The following SAP30BP variants were observed in gnomAD, a reference collection of about 807,000 sequenced individuals.
SAP30BP encodes the protein SAP30-binding protein.
In SAP30BP, 31 loss-of-function variants were observed where a neutral mutation model predicts 46.3. The ratio of observed to expected loss-of-function variants is 0.67; its 90% CI spans 0.50 to 0.90. The LOEUF is 0.90. Ranked by LOEUF, SAP30BP falls within the 40% of genes least tolerant of loss-of-function variation. SAP30BP has a pLI of 0.00. For missense variants in SAP30BP, 312 were observed against 391.0 expected (o/e 0.80, Z 1.70); for synonymous variants, 169 against 144.2 (o/e 1.17, Z -1.23).
chr17:75,706,267 G>T lies in SAP30BP; in HGVS notation c.746-73G>T. 6.4e-7 allele frequency: 1 copy of T among 1,557,526 alleles called. No individual in the cohort carries two copies. The highest frequency in any genetic ancestry group is 2.2e-5 in the East Asian group (1 of 44,502). On this transcript the variant is annotated intron_variant, in intron 10 of 10. Coordinates refer to ENST00000584667, the MANE Select transcript of SAP30BP (RefSeq NM_013260.8). The surrounding 1 kb of genome is among the most constrained non-coding windows in gnomAD (Gnocchi z 4.6). ...GGGGTCTGCTCCCTAGACTCCCGCT[G>T]GCCTGCAGGGGGAAGGGAAAGAGGG...
rs1009031435 is a variant in SAP30BP at position 75,706,156 on chromosome 17, T to G, written c.745+64T>G. 6.3e-7 allele frequency: 1 copy of G among 1,578,058 alleles called. No homozygotes were observed. The highest frequency in any genetic ancestry group is 1.3e-5 in the African/African-American group (1 of 74,578). On this transcript the variant is annotated intron_variant, in intron 10 of 10. Transcript: ENST00000584667. The surrounding 1 kb of genome is among the most constrained non-coding windows in gnomAD (Gnocchi z 4.6). ...GGAGCCAGGGTCTCCCTGGCTTGTT[T>G]GGGCGACAGACAGCACGTGGATCTG... is the stretch of plus-strand genomic sequence containing the variant.
chr17:75,679,450 G>A (rs1317976157), intron 3 of SAP30BP: 1 of 152,190 alleles, frequency 6.6e-6, no homozygotes, highest in East Asian at 1.9e-4. Context: ...TTTGTTATCT[G>A]ATGACTTTAA....
At chr17:75,689,117 C>T (rs1320399513) in intron 3 of SAP30BP, among the ~76,000 whole-genome samples, 2 of 151,420 alleles carry the variant, frequency 1.3e-5, no homozygotes, top group Admixed American at 1.3e-4. Context: ...TGTTTTCTAA[C>T]TTGGCTTTTG....
At chr17:75,700,467 G>A (rs2060391584) in intron 5 of SAP30BP, among the ~76,000 whole-genome samples, 1 of 152,150 alleles carries the variant, frequency 6.6e-6, no homozygotes, top group South Asian at 2.1e-4. Flanking sequence ...CCCTTGTGAT[G>A]AACAATAGAA....
In SAP30BP at chr17:75,667,403, C is replaced by T; in HGVS notation, c.31C>T (p.Leu11Phe). The change falls in exon 1 of 11, where the codon CTC (leucine) becomes TTC (phenylalanine). Residue 11 changes from leucine (L) to phenylalanine (F), a missense_variant. Leu to Phe is a conservative substitution (Grantham distance 22). Coordinates refer to ENST00000584667, the MANE Select transcript of SAP30BP (RefSeq NM_013260.8). MAGKKNVLSS[L>F]AVYAEDSEPE... is the part of the protein sequence containing the mutation. Reference sequence around the variant, plus strand: ...GGGGAAGAAGAATGTTCTGTCGTCTCTCGCAGTTTACGCGGAAGATTCAGA... The same window carrying T: ...GGGGAAGAAGAATGTTCTGTCGTCTTTCGCAGTTTACGCGGAAGATTCAGA... 6.2e-7 allele frequency: 1 copy of T among 1,614,216 alleles called. No individual in the cohort carries two copies. Among genetic ancestry groups the T allele is most frequent in the Non-Finnish European group, 8.5e-7 (1 of 1,180,042 alleles).
At chr17:75,667,613 G>A (rs1029052833) in intron 1 of SAP30BP, 135 bp downstream of exon 1, 1 of 711,346 alleles carries the variant, frequency 1.4e-6, no homozygotes, top group Admixed American at 2.7e-5. Context: ...AGGGTCCGGG[G>A]TGAGATAGAG....
intron 3 of SAP30BP, chr17:75,692,166 A>G: frequency 1.1e-6 from 1 of 934,942 alleles, no homozygotes; most frequent in Non-Finnish European, 1.3e-6. Flanking sequence ...GGAATGGGGA[A>G]TTTGGCCTGT....
chr17:75,674,697 G>GTTTTTTTTTTTTTTTTTT lies in SAP30BP; in HGVS notation c.264+2845_264+2862dup, dbSNP rs66721865. ...TATGAAGTTTTTTTGTTTGTTTTTT[G>GTTTTTTTTTTTTTTTTTT]TTTTTTTTTTTTTTTTTTTTTTTTT... On this transcript the variant is annotated intron_variant, in intron 3 of 10. Transcript: ENST00000584667. Among the ~76,000 whole-genome samples the GTTTTTTTTTTTTTTTTTT allele has an allele frequency of 1.8e-4, 11 of 61,550 alleles. 1 individual carries two copies. The highest frequency in any genetic ancestry group is 5.2e-4 in the East Asian group (1 of 1,936). 40.4% of individuals were successfully genotyped at this position (61,550 alleles called of 152,430 possible).
chr17:75,703,059 C>T (rs964406482), intron 6 of SAP30BP: 42 of 534,340 alleles, frequency 7.9e-5, no homozygotes, highest in South Asian at 2.6e-4. Flanking sequence ...GTGGTAAGCC[C>T]AATCCAGCTG....
At chr17:75,675,773 C>T (rs1180970848) in intron 3 of SAP30BP, among the ~76,000 whole-genome samples, 2 of 151,862 alleles carry the variant, frequency 1.3e-5, no homozygotes, top group East Asian at 1.9e-4. Flanking sequence ...AAAAATTAGC[C>T]GGGTGTGGCG....
At chr17:75,690,700 C>T (rs188745707) in intron 3 of SAP30BP, 51 of 456,682 alleles carry the variant, frequency 1.1e-4, no homozygotes, top group South Asian at 7.4e-4. Context: ...CAGAGGCACC[C>T]AGGGCTCAGC....
rs773046009 is a variant in SAP30BP at position 75,706,025 on chromosome 17, C to T, written c.678C>T (p.Gly226=). Reference sequence around the variant, plus strand: ...CTCTCCAGATTGAGTTTGTGACGGGCACCAAAAAAGGCACCACGACCAACG... The same window carrying T: ...CTCTCCAGATTGAGTTTGTGACGGGTACCAAAAAAGGCACCACGACCAACG... ...KERTKIEFVT[G]TKKGTTTNAT... Residue 226 remains glycine (G), a synonymous_variant, in exon 10 of 11, where the codon GGC becomes GGT. Coordinates refer to ENST00000584667, the MANE Select transcript of SAP30BP (RefSeq NM_013260.8). The surrounding 1 kb of genome is among the most constrained non-coding windows in gnomAD (Gnocchi z 4.6). The T allele has an allele frequency of 1.8e-5, 29 of 1,613,622 alleles. No individual in the cohort carries two copies. The Admixed American group carries it at 2.7e-4, about 15-fold the overall frequency.
chr17:75,676,822 A>G (rs1356873186), intron 3 of SAP30BP, among the ~76,000 whole-genome samples: 2 of 152,204 alleles, frequency 1.3e-5, no homozygotes, highest in Admixed American at 6.5e-5. Flanking sequence ...TAGTTTATAA[A>G]TTAAACTTTA....
chr17:75,688,019 G>A (rs754737968), intron 3 of SAP30BP, among the ~76,000 whole-genome samples: 2 of 150,966 alleles, frequency 1.3e-5, no homozygotes, highest in African/African-American at 4.9e-5. Context: ...TATTAGACTT[G>A]GTGATTTTTG....
chr17:75,671,819 G>T lies in SAP30BP; in HGVS notation c.220G>T (p.Asp74Tyr). The change falls in exon 3 of 11, where the codon GAT (aspartate) becomes TAT (tyrosine). Residue 74 changes from aspartate (D) to tyrosine (Y), a missense_variant. Transcript: ENST00000584667. The stretch of plus-strand genomic sequence containing the variant: ...CTCTAAATTCTTTGTCTTGTAGGAA[G>T]ATGACGATTCAGAGACTGAAAAACC... ...EEDENSRQSEDDDSETEKPEA... is the reference protein window; with the variant it reads ...EEDENSRQSEYDDSETEKPEA... The T allele has an allele frequency of 6.2e-7, 1 of 1,613,068 alleles. No individual in the cohort carries two copies. The highest frequency in any genetic ancestry group is 1.1e-5 in the South Asian group (1 of 91,064).
At chr17:75,695,640 A>G (rs2060306425) in intron 4 of SAP30BP, among the ~76,000 whole-genome samples, 1 of 152,126 alleles carries the variant, frequency 6.6e-6, no homozygotes, top group Admixed American at 6.6e-5. Flanking sequence ...GCTTCCATTC[A>G]TGATGCAGTG....
chr17:75,698,894 A>T (rs1362353017), intron 4 of SAP30BP, among the ~76,000 whole-genome samples: 1 of 152,162 alleles, frequency 6.6e-6, no homozygotes, highest in Non-Finnish European at 1.5e-5. Flanking sequence ...CTCTTTCCTT[A>T]AAAGTTAACC....
Position 75,685,153 on chromosome 17 carries a change from A to G in SAP30BP, c.265-8287A>G, listed in dbSNP as rs111810844. Among the ~76,000 whole-genome samples the G allele has an allele frequency of 3.6e-3, 553 of 152,266 alleles. 6 individuals are homozygous for G. The highest frequency in any genetic ancestry group is 0.013 in the African/African-American group (534 of 41,544). Reference sequence around the variant, plus strand: ...GGTACACCCTCCCATCAGCCGTGCAAGCCCCAACATACCTCCTTCCCTTCG... The same window carrying G: ...GGTACACCCTCCCATCAGCCGTGCAGGCCCCAACATACCTCCTTCCCTTCG... On this transcript the variant is annotated intron_variant, in intron 3 of 10. Transcript: ENST00000584667.
chr17:75,670,897 G>A (rs766679132), intron 2 of SAP30BP, among the ~76,000 whole-genome samples: 15 of 152,188 alleles, frequency 9.9e-5, no homozygotes, highest in Non-Finnish European at 2.1e-4. Flanking sequence ...AGTTTCAAAT[G>A]AAACCATTTT....
Sources: gnomAD v4.1 joint callset for allele counts (sites outside exome capture counted in the v4.1 genomes callset) on GRCh38, gnomAD v4.1.1 for gene constraint, Gnocchi (gnomAD v3.1) non-coding constraint, MANE v1.5 for transcripts, NCBI Gene and HGNC (gene_info 2026-07-23, HGNC 2026-07-21) for gene names.